The following ARK2N variants were observed in gnomAD, a reference collection of about 807,000 sequenced individuals.
The protein encoded by ARK2N is arkadia (RNF111) N-terminal like PKA signaling regulator 2N, also known as protein ARK2N.
chr18:46,202,135 T>A, the ARK2N span, among the ~76,000 whole-genome samples: 4 of 152,312 alleles, frequency 2.6e-5, no homozygotes, highest in Admixed American at 2.6e-4. Flanking sequence ...GTTCTCAAAC[T>A]AGTATGGTAT....
At chr18:46,227,878 G>A in the ARK2N span, among the ~76,000 whole-genome samples, 3 of 152,140 alleles carry the variant, frequency 2.0e-5, no homozygotes, top group South Asian at 2.1e-4. Context: ...GATTATAGGC[G>A]TGAGCCACTG....
At chr18:46,201,415 T>C in the ARK2N span, among the ~76,000 whole-genome samples, 2 of 152,194 alleles carry the variant, frequency 1.3e-5, no homozygotes, top group Non-Finnish European at 2.9e-5. Context: ...GTAGACTTGT[T>C]TTTTTGTCCA....
the ARK2N span, among the ~76,000 whole-genome samples, chr18:46,246,993 A>G: frequency 0.017 from 2,624 of 152,026 alleles, 70 homozygotes; most frequent in African/African-American, 0.059. Context: ...CAGTTTTAGC[A>G]TATCATCTGG....
At chr18:46,223,258 C>A in the ARK2N span, among the ~76,000 whole-genome samples, 1 of 152,098 alleles carries the variant, frequency 6.6e-6, no homozygotes, top group Admixed American at 6.5e-5. Flanking sequence ...AACATACTAA[C>A]CTTTGGGGAA....
chr18:46,213,628 G>A, the ARK2N span, among the ~76,000 whole-genome samples: 6 of 152,150 alleles, frequency 3.9e-5, no homozygotes, highest in African/African-American at 1.4e-4. Flanking sequence ...TCCAACATTA[G>A]TATTATAATT....
the ARK2N span, among the ~76,000 whole-genome samples, chr18:46,187,686 T>G: frequency 6.6e-6 from 1 of 152,150 alleles, no homozygotes; most frequent in African/African-American, 2.4e-5. Flanking sequence ...TGGAGTTAAC[T>G]ATATTCTTGT....
At chr18:46,182,931 T>G in the ARK2N span, among the ~76,000 whole-genome samples, 1 of 152,082 alleles carries the variant, frequency 6.6e-6, no homozygotes, top group Non-Finnish European at 1.5e-5. Context: ...ATATTTAAGT[T>G]CCGGGTAGGC....
chr18:46,203,535 A>G, the ARK2N span, among the ~76,000 whole-genome samples: 2 of 152,166 alleles, frequency 1.3e-5, no homozygotes, highest in African/African-American at 4.8e-5. Context: ...TTCATTTTAT[A>G]TAAATGTGTC....
At chr18:46,248,419 A>C in the ARK2N span, among the ~76,000 whole-genome samples, 2 of 152,162 alleles carry the variant, frequency 1.3e-5, no homozygotes, top group Non-Finnish European at 2.9e-5. Context: ...GTTGGGGATA[A>C]GATGGCAAAA....
the ARK2N span, among the ~76,000 whole-genome samples, chr18:46,246,128 GA>G: frequency 6.6e-6 from 1 of 152,148 alleles, no homozygotes; most frequent in South Asian, 2.1e-4. Context: ...AACTGGAAAA[GA>G]TTACTACCAC....
chr18:46,255,302 C>T, the ARK2N span, among the ~76,000 whole-genome samples: 1 of 152,170 alleles, frequency 6.6e-6, no homozygotes, highest in Admixed American at 6.5e-5. Context: ...CTGGCTTTTT[C>T]AGAACTAGTC....
At chr18:46,177,862 C>T in the ARK2N span, among the ~76,000 whole-genome samples, 7 of 151,738 alleles carry the variant, frequency 4.6e-5, no homozygotes, top group South Asian at 6.2e-4. Flanking sequence ...GTGACTGTGC[C>T]GCTGCACTCC....
the ARK2N span, among the ~76,000 whole-genome samples, chr18:46,203,918 T>G: frequency 5.0e-3 from 766 of 152,252 alleles, 7 homozygotes; most frequent in African/African-American, 0.017. Context: ...TGATTTGATT[T>G]AAAGAGCAGA....
chr18:46,201,934 C>T, the ARK2N span, among the ~76,000 whole-genome samples: 9 of 152,036 alleles, frequency 5.9e-5, no homozygotes, highest in East Asian at 3.9e-4. Context: ...GGCGCCATTA[C>T]GCCTGGCTAA....
At chr18:46,200,399 C>T in the ARK2N span, among the ~76,000 whole-genome samples, 240 of 152,234 alleles carry the variant, frequency 1.6e-3, 1 homozygote, top group African/African-American at 5.5e-3. Context: ...CCTCTGCCTT[C>T]CGGGTTCAAG....
chr18:46,187,460 G>A, the ARK2N span, among the ~76,000 whole-genome samples: 5 of 151,380 alleles, frequency 3.3e-5, no homozygotes, highest in Non-Finnish European at 7.4e-5. Flanking sequence ...TCCTGCCTTA[G>A]CCTCCCGAGT....
the ARK2N span, among the ~76,000 whole-genome samples, chr18:46,199,662 A>G: frequency 1.3e-5 from 2 of 151,890 alleles, no homozygotes; most frequent in Admixed American, 1.3e-4. Flanking sequence ...GGAGATTTGG[A>G]GAGTGGCCAT....
At chr18:46,225,748 C>T in the ARK2N span, among the ~76,000 whole-genome samples, 1 of 152,162 alleles carries the variant, frequency 6.6e-6, no homozygotes, top group African/African-American at 2.4e-5. Context: ...GCTTGAGCCA[C>T]CGAGCCCAGC....
chr18:46,228,834 G>A, the ARK2N span: 3 of 398,494 alleles, frequency 7.5e-6, no homozygotes, highest in Non-Finnish European at 1.3e-5. Context: ...GCCTCTCAAA[G>A]TGCTGAGATT....
Sources: allele counts gnomAD v4.1 joint callset (sites outside exome capture counted in the v4.1 genomes callset), GRCh38; gene constraint gnomAD v4.1.1; transcripts MANE v1.5; gene names NCBI Gene and HGNC (gene_info 2026-07-23, HGNC 2026-07-21).